The following PCCA variants were observed in gnomAD, a reference collection of about 807,000 sequenced individuals.
PCCA encodes the protein propionyl-CoA carboxylase alpha chain, mitochondrial.
PCCA carries 74 observed loss-of-function variants against 101.3 expected under a neutral mutation model. The ratio of observed to expected loss-of-function variants is 0.73; its 90% CI spans 0.61 to 0.89. The LOEUF (loss-of-function observed/expected upper bound fraction) is 0.89, where lower values mean the gene tolerates loss of function less well. Ranked by LOEUF, PCCA falls within the 40% of genes least tolerant of loss-of-function variation. The pLI, the probability that PCCA is intolerant of heterozygous loss-of-function variation, is 0.00. For synonymous variants in PCCA, 294 were observed against 313.6 expected (o/e 0.94, Z 0.66); for missense variants, 891 against 907.0 (o/e 0.98, Z 0.23).
chr13:100,138,947 A>G (rs1167992459), intron 4 of PCCA, among the ~76,000 whole-genome samples: 1 of 151,528 alleles, frequency 6.6e-6, no homozygotes, highest in Admixed American at 6.6e-5. Context: ...AAAAAAAAAA[A>G]AAAAAAAAAA....
intron 19 of PCCA, among the ~76,000 whole-genome samples, chr13:100,400,836 G>A (rs746963651): frequency 2.0e-5 from 3 of 151,830 alleles, no homozygotes; most frequent in Non-Finnish European, 4.4e-5. Context: ...ATGTTGGCCA[G>A]GATGGTTTCG....
chr13:100,370,535 A>G (rs1359351974), intron 19 of PCCA, among the ~76,000 whole-genome samples: 1 of 152,160 alleles, frequency 6.6e-6, no homozygotes, highest in East Asian at 1.9e-4. Flanking sequence ...AAATTAGTGC[A>G]TTAAAAACTT....
At chr13:100,268,215 C>T (rs1389964905) in intron 10 of PCCA, among the ~76,000 whole-genome samples, 2 of 152,142 alleles carry the variant, frequency 1.3e-5, no homozygotes, top group East Asian at 3.8e-4. Flanking sequence ...CAAAAATAAA[C>T]CACAGTACAG....
chr13:100,433,115 T>A (rs781044759), intron 20 of PCCA, among the ~76,000 whole-genome samples: 2 of 152,230 alleles, frequency 1.3e-5, no homozygotes, highest in Non-Finnish European at 2.9e-5. Flanking sequence ...TGTACAAATA[T>A]CTGTTTGAGT....
intron 2 of PCCA, among the ~76,000 whole-genome samples, chr13:100,106,514 G>C (rs2047809697): frequency 6.6e-6 from 1 of 152,164 alleles, no homozygotes; most frequent in South Asian, 2.1e-4. Flanking sequence ...GAGTTCAAGC[G>C]ATTCTCCTGC....
chr13:100,263,083 A>T (rs534764095), intron 10 of PCCA, among the ~76,000 whole-genome samples: 12 of 152,262 alleles, frequency 7.9e-5, no homozygotes, highest in Non-Finnish European at 1.3e-4. Flanking sequence ...GGCATTTTTT[A>T]AAAAAGAAAA....
chr13:100,438,271 C>T (rs768615579), intron 20 of PCCA, among the ~76,000 whole-genome samples: 1 of 152,058 alleles, frequency 6.6e-6, no homozygotes, highest in African/African-American at 2.4e-5. Flanking sequence ...CCTCCTGCCT[C>T]TGCCTTCTGA....
chr13:100,448,496 G>C (rs1277975522), intron 20 of PCCA, among the ~76,000 whole-genome samples: 1 of 152,124 alleles, frequency 6.6e-6, no homozygotes, highest in East Asian at 1.9e-4. Context: ...TGGCCCAACA[G>C]ACCAGTTTTG....
At chr13:100,202,162 T>A (rs1383744224) in intron 6 of PCCA, among the ~76,000 whole-genome samples, 2 of 125,700 alleles carry the variant, frequency 1.6e-5, no homozygotes, top group Non-Finnish European at 3.2e-5. Flanking sequence ...AGACTCCATC[T>A]CTACCCAAAA....
At chr13:100,173,981 C>T (rs991733172) in intron 6 of PCCA, among the ~76,000 whole-genome samples, 1 of 152,178 alleles carries the variant, frequency 6.6e-6, no homozygotes, top group African/African-American at 2.4e-5. Context: ...AGCTGTAAGT[C>T]AATTAAACCT....
At chr13:100,529,948 G>T (rs1294998570) in intron 23 of PCCA, 150 bp from the exon 24 acceptor site, 2 of 685,680 alleles carry the variant, frequency 2.9e-6, no homozygotes, top group African/African-American at 2.3e-5. Context: ...GGGTCCCTTC[G>T]ATGGGCTCCG....
intron 19 of PCCA, among the ~76,000 whole-genome samples, chr13:100,369,787 G>C (rs1363689541): frequency 6.6e-6 from 1 of 152,096 alleles, no homozygotes; most frequent in Admixed American, 6.6e-5. Context: ...TATTGACATG[G>C]TCATTTCAGA....
At chr13:100,463,645 TAA>T (rs1457895598) in intron 21 of PCCA, among the ~76,000 whole-genome samples, 2 of 152,052 alleles carry the variant, frequency 1.3e-5, no homozygotes, top group African/African-American at 4.8e-5. Context: ...AGAAGAAGAT[TAA>T]GAGTGAGCAC....
chr13:100,320,763 G>C (rs1464763057), intron 16 of PCCA, among the ~76,000 whole-genome samples: 4 of 152,060 alleles, frequency 2.6e-5, no homozygotes, highest in Admixed American at 2.0e-4. Context: ...CGATGTTCAT[G>C]AGGAATATTT....
At chr13:100,516,748 TGTGTGTGTGTGTA>T (rs1197081165) in intron 22 of PCCA, among the ~76,000 whole-genome samples, 2 of 133,714 alleles carry the variant, frequency 1.5e-5, no homozygotes, top group Non-Finnish European at 3.4e-5. Context: ...TGTGTGTGTG[TGTGTGTGTGTGTA>T]ATGTGTGTAA....
At chr13:100,258,551 C>T (rs955937643) in intron 9 of PCCA, among the ~76,000 whole-genome samples, 2 of 152,118 alleles carry the variant, frequency 1.3e-5, no homozygotes, top group Non-Finnish European at 2.9e-5. Context: ...GAACGCTTAG[C>T]GCTTATTTTT....
At chr13:100,502,381 T>C (rs1476827467) in intron 21 of PCCA, among the ~76,000 whole-genome samples, 1 of 152,214 alleles carries the variant, frequency 6.6e-6, no homozygotes, top group Non-Finnish European at 1.5e-5. Flanking sequence ...GTGTGTACTG[T>C]ATATTTTTAA....
chr13:100,225,851 C>T (rs762538150), intron 7 of PCCA, among the ~76,000 whole-genome samples: 1 of 151,866 alleles, frequency 6.6e-6, no homozygotes, highest in Non-Finnish European at 1.5e-5. Context: ...AGTGCAGTGG[C>T]GCGATCTTGG....
intron 10 of PCCA, among the ~76,000 whole-genome samples, chr13:100,263,032 G>A (rs1036428437): frequency 6.6e-6 from 1 of 152,168 alleles, no homozygotes; most frequent in Middle Eastern, 3.4e-3. Flanking sequence ...TCCTAAGATA[G>A]CCGACCAGGC....
Sources: gnomAD v4.1 joint callset for allele counts (sites outside exome capture counted in the v4.1 genomes callset) on GRCh38, gnomAD v4.1.1 for gene constraint, MANE v1.5 for transcripts, NCBI Gene and HGNC (gene_info 2026-07-23, HGNC 2026-07-21) for gene names.